Variants in NRG1 observed in about 807,000 individuals in gnomAD.
NRG1 encodes the protein pro-neuregulin-1, membrane-bound isoform.
Under a neutral mutation model 63.8 loss-of-function variants are expected in NRG1, and 18 were observed. The ratio of observed to expected loss-of-function variants is 0.28; its 90% CI spans 0.19 to 0.42. The LOEUF is 0.42. Among genes scored for constraint, NRG1 ranks in the 10% least tolerant of loss-of-function variants. The pLI is 1.00. For synonymous variants in NRG1, 302 were observed against 301.3 expected (o/e 1.00, Z -0.02); for missense variants, 762 against 814.7 (o/e 0.94, Z 0.79).
At chr8:32,548,696 C>T in exon 1 of NRG1, 1 of 1,557,922 alleles carries the variant, frequency 6.4e-7, no homozygotes, top group Non-Finnish European at 8.7e-7. Flanking sequence ...CGCCGAGAGC[C>T]GTCCGCGTAG....
intron 1 of NRG1, among the ~76,000 whole-genome samples, chr8:31,822,842 T>A (rs1399593901): frequency 2.0e-5 from 3 of 152,172 alleles, no homozygotes; most frequent in African/African-American, 7.2e-5. Flanking sequence ...ATTTATGAAG[T>A]TTATTTTTAG....
At chr8:32,100,523 T>C (rs1451342784) in intron 1 of NRG1, among the ~76,000 whole-genome samples, 1 of 152,120 alleles carries the variant, frequency 6.6e-6, no homozygotes, top group Non-Finnish European at 1.5e-5. Flanking sequence ...TCCATGCTCT[T>C]CTCATTATAC....
intron 1 of NRG1, among the ~76,000 whole-genome samples, chr8:32,151,124 T>TA (rs1390383826): frequency 6.6e-6 from 1 of 151,810 alleles, no homozygotes; most frequent in African/African-American, 2.4e-5. Context: ...TGGTAAAAAA[T>TA]AAAAAATTAG....
chr8:31,993,520 A>G (rs1811425393), intron 1 of NRG1, among the ~76,000 whole-genome samples: 1 of 151,876 alleles, frequency 6.6e-6, no homozygotes, highest in Non-Finnish European at 1.5e-5. Flanking sequence ...ATTAGATTTG[A>G]TGGTTTTATA....
intron 1 of NRG1, among the ~76,000 whole-genome samples, chr8:32,229,243 G>T (rs938750338): frequency 3.3e-5 from 5 of 152,256 alleles, no homozygotes; most frequent in South Asian, 2.1e-4. Flanking sequence ...GAAATGATGC[G>T]TGCCAAGAAA....
chr8:32,322,208 A>AG (rs1357720338), intron 1 of NRG1, among the ~76,000 whole-genome samples: 1 of 152,032 alleles, frequency 6.6e-6, no homozygotes, highest in African/African-American at 2.4e-5. Context: ...AGAAAAAAAA[A>AG]GAATGATAGC....
intron 1 of NRG1, among the ~76,000 whole-genome samples, chr8:32,256,112 C>A (rs1041926851): frequency 1.3e-5 from 2 of 152,156 alleles, no homozygotes; most frequent in Non-Finnish European, 2.9e-5. Context: ...ATTCCTCTAA[C>A]CTTTTTTCAA....
intron 1 of NRG1, among the ~76,000 whole-genome samples, chr8:31,923,970 T>G (rs1028999469): frequency 2.0e-5 from 3 of 152,166 alleles, no homozygotes; most frequent in African/African-American, 7.2e-5. Context: ...AGTGAGAACA[T>G]GCAGTATGTG....
chr8:32,527,250 T>C (rs1830949171), intron 1 of NRG1, among the ~76,000 whole-genome samples: 1 of 152,108 alleles, frequency 6.6e-6, no homozygotes, highest in Admixed American at 6.5e-5. Context: ...TAAGTGTCCA[T>C]CAATGGATTG....
chr8:32,484,576 T>C (rs35888485), intron 1 of NRG1, among the ~76,000 whole-genome samples: 3,549 of 152,112 alleles, frequency 0.023, 74 homozygotes, highest in Non-Finnish European at 0.039. Flanking sequence ...CTATCTGGAG[T>C]CATTTGTACA....
intron 1 of NRG1, among the ~76,000 whole-genome samples, chr8:31,953,085 A>G (rs559018547): frequency 6.6e-6 from 1 of 152,190 alleles, no homozygotes; most frequent in South Asian, 2.1e-4. Flanking sequence ...AGTGAGCCCC[A>G]AACTCAGTAA....
intron 1 of NRG1, among the ~76,000 whole-genome samples, chr8:31,907,580 A>C (rs1213557188): frequency 6.6e-6 from 1 of 152,146 alleles, no homozygotes; most frequent in Non-Finnish European, 1.5e-5. Flanking sequence ...CCTGACACAT[A>C]GTATGTGCTT....
chr8:31,768,125 GGA>G (rs1818260658), intron 1 of NRG1, among the ~76,000 whole-genome samples: 1 of 152,084 alleles, frequency 6.6e-6, no homozygotes, highest in Non-Finnish European at 1.5e-5. Flanking sequence ...AAGTAGAATG[GGA>G]GAGAGAAGGA....
intron 1 of NRG1, among the ~76,000 whole-genome samples, chr8:32,023,083 T>C (rs1391462890): frequency 6.6e-6 from 1 of 152,228 alleles, no homozygotes. Flanking sequence ...TAATTCATAA[T>C]CATGTATATC....
At chr8:32,763,275 G>T (rs781780058) in intron 11 of NRG1, 10 of 1,613,974 alleles carry the variant, frequency 6.2e-6, no homozygotes, top group East Asian at 4.5e-5. Flanking sequence ...AATGCATGCA[G>T]ATCCAGCTAT....
At chr8:32,615,787 G>A (rs1338006149) in intron 4 of NRG1, among the ~76,000 whole-genome samples, 6 of 151,894 alleles carry the variant, frequency 4.0e-5, no homozygotes, top group African/African-American at 7.3e-5. Context: ...ATAAGTGTAT[G>A]TGTGTTGCGG....
intron 1 of NRG1, among the ~76,000 whole-genome samples, chr8:32,326,517 G>T (rs530949781): frequency 6.2e-4 from 94 of 151,940 alleles, no homozygotes; most frequent in Non-Finnish European, 1.2e-3. Flanking sequence ...TAGAGACATG[G>T]TCTCACTATG....
chr8:32,416,831 G>A (rs1172087489), intron 1 of NRG1, among the ~76,000 whole-genome samples: 1 of 152,040 alleles, frequency 6.6e-6, no homozygotes, highest in African/African-American at 2.4e-5. Context: ...GGGACCACAG[G>A]TGCACCACCA....
chr8:32,080,673 C>T (rs1305275406), intron 1 of NRG1, among the ~76,000 whole-genome samples: 3 of 151,958 alleles, frequency 2.0e-5, no homozygotes, highest in African/African-American at 7.3e-5. Flanking sequence ...TATTTCCAGA[C>T]TCAGCAGATA....
Sources: allele counts gnomAD v4.1 joint callset (sites outside exome capture counted in the v4.1 genomes callset), GRCh38; gene constraint gnomAD v4.1.1; transcripts MANE v1.5; gene names NCBI Gene and HGNC (gene_info 2026-07-23, HGNC 2026-07-21).